OSBPL11: variants seen among roughly 807,000 people sequenced by gnomAD.
OSBPL11 encodes the protein oxysterol binding protein like 11, also known as oxysterol-binding protein-related protein 11.
Under a neutral mutation model 84.4 loss-of-function variants are expected in OSBPL11, and 33 were observed. The ratio of observed to expected loss-of-function variants is 0.39; its 90% CI spans 0.30 to 0.52. OSBPL11 has a LOEUF of 0.52. Ranked by LOEUF, OSBPL11 falls within the 20% of genes least tolerant of loss-of-function variation. OSBPL11 has a pLI of 0.72. For missense variants in OSBPL11, 736 were observed against 901.1 expected, an observed-to-expected ratio of 0.82 and a Z score of 2.35; for synonymous variants, 276 against 310.2, an observed-to-expected ratio of 0.89 and a Z score of 1.16.
chr3:125,566,806 A>G (rs1936163208), intron 6 of OSBPL11, among the ~76,000 whole-genome samples: 1 of 150,688 alleles, frequency 6.6e-6, no homozygotes, highest in Admixed American at 6.6e-5. Flanking sequence ...TTTTTTTTTA[A>G]TGGGGTCTCA....
chr3:125,541,058 A>G (rs1580036004), intron 10 of OSBPL11, among the ~76,000 whole-genome samples: 1 of 152,250 alleles, frequency 6.6e-6, no homozygotes, highest in African/African-American at 2.4e-5. Context: ...TCACTGTAGC[A>G]TGAAAGCAGA....
intron 12 of OSBPL11, among the ~76,000 whole-genome samples, chr3:125,531,438 T>C (rs1287664697): frequency 6.6e-6 from 1 of 151,786 alleles, no homozygotes; most frequent in Non-Finnish European, 1.5e-5. Flanking sequence ...ATTACAGGCA[T>C]GTACCACCAC....
intron 10 of OSBPL11, among the ~76,000 whole-genome samples, chr3:125,544,352 G>A (rs958112864): frequency 5.3e-5 from 8 of 152,040 alleles, no homozygotes; most frequent in African/African-American, 1.9e-4. Context: ...TACTGCACCT[G>A]GCCAAGAATG....
At chr3:125,579,710 T>C (rs987799662) in intron 3 of OSBPL11, among the ~76,000 whole-genome samples, 155 bp downstream of exon 3, 12 of 152,240 alleles carry the variant, frequency 7.9e-5, no homozygotes, top group Non-Finnish European at 1.5e-4. Context: ...AAAGATTTCA[T>C]AAATTCTCAA....
intron 11 of OSBPL11, among the ~76,000 whole-genome samples, chr3:125,538,008 G>T (rs1374908): frequency 0.25 from 37,478 of 152,072 alleles, 6,084 homozygotes; most frequent in African/African-American, 0.47. Context: ...TAATTTGTCT[G>T]ATTAATTTGT....
At chr3:125,538,742 A>G in intron 10 of OSBPL11, 109 bp from the exon 11 acceptor site, 1 of 893,112 alleles carries the variant, frequency 1.1e-6, no homozygotes, top group Non-Finnish European at 1.7e-6. Context: ...AATTAGTTAT[A>G]TACCTCACTT....
At chr3:125,593,138 C>T (rs948221707) in intron 1 of OSBPL11, among the ~76,000 whole-genome samples, 1 of 152,198 alleles carries the variant, frequency 6.6e-6, no homozygotes, top group African/African-American at 2.4e-5. Context: ...AATGTGAATG[C>T]CAGGGCCGCG....
At chr3:125,531,634 G>C (rs1935557624) in intron 12 of OSBPL11, among the ~76,000 whole-genome samples, 1 of 151,854 alleles carries the variant, frequency 6.6e-6, no homozygotes, top group South Asian at 2.1e-4. Flanking sequence ...TTCTCACTTA[G>C]AAACTCTTCT....
intron 2 of OSBPL11, among the ~76,000 whole-genome samples, chr3:125,581,096 A>T (rs1005546279): frequency 2.0e-5 from 3 of 146,662 alleles, no homozygotes; most frequent in Admixed American, 6.8e-5. Context: ...TAGTGTAATA[A>T]TTTTTTTTTT....
In OSBPL11 at chr3:125,589,939, A is replaced by G. The variant is rs199568217; in HGVS notation, c.164+4698T>C. On this transcript the variant is annotated intron_variant, in intron 1 of 12. Coordinates refer to ENST00000296220, the MANE Select transcript of OSBPL11 (RefSeq NM_022776.5). ...GTGAGGAGCTCAAAATTTTAAAAAA[A>G]AGCAGGCCATCAAACACCCTGGTTT... Among the ~76,000 whole-genome samples the G allele has an allele frequency of 1.1e-4, 17 of 152,364 alleles. No individual in the cohort carries two copies. In the East Asian group the frequency reaches 3.3e-3, roughly 29 times the overall value.
intron 5 of OSBPL11, among the ~76,000 whole-genome samples, chr3:125,571,776 T>C (rs1473219063): frequency 6.6e-6 from 1 of 152,190 alleles, no homozygotes; most frequent in Admixed American, 6.5e-5. Context: ...AGGAAACACC[T>C]GGATGCCCAG....
intron 7 of OSBPL11, among the ~76,000 whole-genome samples, chr3:125,561,453 T>A (rs142065699): frequency 6.6e-6 from 1 of 152,284 alleles, no homozygotes; most frequent in East Asian, 1.9e-4. Flanking sequence ...CCACTGAGAG[T>A]CAAAAACTTG....
intron 11 of OSBPL11, among the ~76,000 whole-genome samples, chr3:125,534,701 A>G (rs1228053893): frequency 6.6e-6 from 1 of 151,924 alleles, no homozygotes; most frequent in African/African-American, 2.4e-5. Context: ...TTAAACATTT[A>G]GGAAAAAAAT....
rs753174656 is a variant in OSBPL11 at position 125,552,327 on chromosome 3, C to G, written c.1508G>C (p.Arg503Thr). 15 of 1,614,008 alleles carry G rather than the reference C, an allele frequency of 9.3e-6. No individual in the cohort carries two copies. The highest frequency in any genetic ancestry group is 1.2e-5 in the Non-Finnish European group (14 of 1,180,034). Residue 503 changes from arginine to threonine, a missense_variant, in exon 9 of 13, where the codon AGA becomes ACA. Physicochemically the swap from Arg to Thr is moderately conservative, Grantham distance 71 (BLOSUM62 -1). Around this residue, in one of 3 missense-constraint regions of OSBPL11, gnomAD observed 579 missense variants for 717.6 expected, o/e 0.81. Transcript: ENST00000296220. ...ATGAGAAACCTGCTCAGCAACAAATCTGACTGTGTAACAGTCTGATCCCAC... is the reference window on the plus strand; with the variant it reads ...ATGAGAAACCTGCTCAGCAACAAATGTGACTGTGTAACAGTCTGATCCCAC... ...TQVGSDCYTVRFVAEQVSHHP... is the reference protein window; with the variant it reads ...TQVGSDCYTVTFVAEQVSHHP...
At chr3:125,579,740 A>C in intron 3 of OSBPL11, 125 bp downstream of exon 3, 1 of 834,918 alleles carries the variant, frequency 1.2e-6, no homozygotes, top group Non-Finnish European at 1.9e-6. Flanking sequence ...AAGGTTCAGA[A>C]TATTGTATTT....
At chr3:125,543,836 G>T (rs1057507339) in intron 10 of OSBPL11, among the ~76,000 whole-genome samples, 1 of 152,050 alleles carries the variant, frequency 6.6e-6, no homozygotes, top group African/African-American at 2.4e-5. Flanking sequence ...GGAGGCGGAG[G>T]TTGCAGTGAG....
intron 5 of OSBPL11, among the ~76,000 whole-genome samples, chr3:125,569,998 C>T (rs890432850): frequency 6.6e-6 from 1 of 152,108 alleles, no homozygotes; most frequent in African/African-American, 2.4e-5. Context: ...ACAAGAGGCA[C>T]ACTTATAATT....
In OSBPL11 at chr3:125,530,198, C is replaced by A; in HGVS notation, c.*317G>T. ...TTCTCATTGTTGTGTGTATCTGCTG[C>A]CCCTGTGCAAAAATAGGGGATTCAA... On this transcript the variant is annotated 3_prime_UTR_variant, in exon 13 of 13. Coordinates refer to ENST00000296220, the MANE Select transcript of OSBPL11 (RefSeq NM_022776.5). 3.4e-6 allele frequency: 1 copy of A among 298,398 alleles called. No individual in the cohort carries two copies. The highest frequency in any genetic ancestry group is 6.4e-6 in the Non-Finnish European group (1 of 156,156). The allele number at this position is 298,398 out of a possible 1,614,324, so 18.5% of individuals were successfully genotyped here.
chr3:125,565,719 T>C (rs1432572497), intron 6 of OSBPL11, among the ~76,000 whole-genome samples: 1 of 152,188 alleles, frequency 6.6e-6, no homozygotes, highest in African/African-American at 2.4e-5. Context: ...AGAGAAAATT[T>C]ATATTGAACT....
Sources: gnomAD v4.1 joint callset for allele counts (sites outside exome capture counted in the v4.1 genomes callset) on GRCh38, gnomAD v4.1.1 for gene constraint, gnomAD v4.1.1 regional missense constraint, MANE v1.5 for transcripts, NCBI Gene and HGNC (gene_info 2026-07-23, HGNC 2026-07-21) for gene names.